The following DNAH14 variants were observed in gnomAD, a reference collection of about 807,000 sequenced individuals.
The protein encoded by DNAH14 is axonemal beta dynein heavy chain 14.
In DNAH14, 478 loss-of-function variants were observed where a neutral mutation model predicts 520.9. The observed-to-expected ratio is 0.92, with a 90% confidence interval of 0.85 to 0.99. The LOEUF is 0.99. Ranked by LOEUF, DNAH14 falls within the 50% of genes least tolerant of loss-of-function variation. The pLI, the probability that DNAH14 is intolerant of heterozygous loss-of-function variation, is 0.00. For missense variants in DNAH14, 4,831 were observed against 5,234.5 expected (o/e 0.92, Z 2.38); for synonymous variants, 1,581 against 1,757.2 (o/e 0.90, Z 2.51).
Position 225,371,084 on chromosome 1 carries a change from G to C in DNAH14, c.12318+3052G>C, listed in dbSNP as rs565334849. Among the ~76,000 whole-genome samples, 129 of 152,168 alleles carry C rather than the reference G, an allele frequency of 8.5e-4. 1 individual carries two copies. The highest frequency in any genetic ancestry group is 2.8e-3 in the African/African-American group (115 of 41,542). ...GATAGTATTAATATTATATATTCTA[G>C]ACCTTAGTAAAAGATCACAATCTCC... On this transcript the variant is annotated intron_variant, in intron 77 of 85. Coordinates refer to ENST00000682510, the MANE Select transcript of DNAH14 (RefSeq NM_001367479.1).
intron 25 of DNAH14, among the ~76,000 whole-genome samples, chr1:225,118,747 G>T (rs1051382133): frequency 6.6e-5 from 10 of 151,914 alleles, no homozygotes; most frequent in Middle Eastern, 3.2e-3. Flanking sequence ...GCTGATCGTG[G>T]TGGCAGGCAC....
rs1273424542 is a variant in DNAH14 at position 225,336,010 on chromosome 1, C to T, written c.10081-1256C>T. ...ATACACACATATGCATATATGTATA[C>T]GCATATATGCATATATGTATATACA... On this transcript the variant is annotated intron_variant, in intron 66 of 85. Transcript: ENST00000682510. Among the ~76,000 whole-genome samples, 68 of 80,304 alleles carry T rather than the reference C, an allele frequency of 8.5e-4. 2 individuals carry two copies. Among genetic ancestry groups the T allele is most frequent in the African/African-American group, 3.5e-3 (62 of 17,708 alleles). 52.7% of individuals were successfully genotyped at this position (80,304 alleles called of 152,430 possible).
At chr1:225,262,895 A>C (rs950468542) in intron 46 of DNAH14, among the ~76,000 whole-genome samples, 4 of 151,912 alleles carry the variant, frequency 2.6e-5, no homozygotes, top group Non-Finnish European at 5.9e-5. Flanking sequence ...GATATTTTTT[A>C]TAAGAATTGC....
rs988737737 is a variant in DNAH14, at chr1:225,395,054, T to C, written c.13491+2603T>C. Among the ~76,000 whole-genome samples, 11 of 152,158 alleles carry C rather than the reference T, an allele frequency of 7.2e-5. No individual in the cohort carries two copies. The South Asian group carries it at 8.3e-4, about 11-fold the overall frequency. ...CAGATAGTTTTTATCCTTTATCTCA[T>C]TAACATGGTGGAGTACATAGAACTA... On this transcript the variant is annotated intron_variant, in intron 84 of 85. Coordinates refer to ENST00000682510, the MANE Select transcript of DNAH14 (RefSeq NM_001367479.1).
chr1:225,318,402 G>A (rs946626390), intron 60 of DNAH14, among the ~76,000 whole-genome samples, 181 bp from the exon 61 acceptor site: 1 of 152,078 alleles, frequency 6.6e-6, no homozygotes, highest in African/African-American at 2.4e-5. Flanking sequence ...CACATTTTAG[G>A]ACTATGATAC....
Position 224,960,271 on chromosome 1 carries a change from G to T in DNAH14, c.336G>T (p.Arg112Ser), listed in dbSNP as rs376453640. 10 of 1,610,218 alleles carry T rather than the reference G, an allele frequency of 6.2e-6. No individual in the cohort carries two copies. Among genetic ancestry groups the T allele is most frequent in the Middle Eastern group, 1.7e-4 (1 of 6,060 alleles). Residue 112 changes from arginine (R) to serine (S), a missense_variant, in exon 4 of 86, where the codon AGG (arginine) becomes AGT (serine). Physicochemically the swap from Arg to Ser is moderately radical, Grantham distance 110. Coordinates refer to ENST00000682510, the MANE Select transcript of DNAH14 (RefSeq NM_001367479.1). Reference sequence around the variant, plus strand: ...AAACTCATGCTTGTCCAAATGTTAGGAAAGCCAGGCCTGTGTCCTATGATA... The same window carrying T: ...AAACTCATGCTTGTCCAAATGTTAGTAAAGCCAGGCCTGTGTCCTATGATA... ...KDQTHACPNV[R>S]KARPVSYDRT... is the part of the protein sequence containing the mutation.
At chr1:225,289,479 C>T (rs1249299982) in intron 54 of DNAH14, among the ~76,000 whole-genome samples, 3 of 152,034 alleles carry the variant, frequency 2.0e-5, no homozygotes, top group African/African-American at 7.2e-5. Flanking sequence ...ACTTACTTTG[C>T]CATTATTCCC....
chr1:225,146,134 G>A (rs2079917055), intron 30 of DNAH14, among the ~76,000 whole-genome samples: 1 of 152,070 alleles, frequency 6.6e-6, no homozygotes, highest in South Asian at 2.1e-4. Context: ...GCCTATGAGG[G>A]CTCCACATGA....
chr1:225,175,956 A>G (rs1164534914), intron 36 of DNAH14, among the ~76,000 whole-genome samples: 1 of 151,946 alleles, frequency 6.6e-6, no homozygotes, highest in African/African-American at 2.4e-5. Context: ...GGGCTTCACT[A>G]TGTTGCCCAG....
At chr1:225,309,792 C>T (rs2094322326) in intron 60 of DNAH14, among the ~76,000 whole-genome samples, 1 of 152,096 alleles carries the variant, frequency 6.6e-6, no homozygotes, top group African/African-American at 2.4e-5. Context: ...ACTTAGGAGG[C>T]TGAGGCAGGA....
intron 73 of DNAH14, among the ~76,000 whole-genome samples, chr1:225,358,083 A>G (rs2095451261): frequency 3.9e-5 from 6 of 152,220 alleles, no homozygotes; most frequent in Non-Finnish European, 8.8e-5. Flanking sequence ...TGGAAGAATT[A>G]ATACTTTTCC....
intron 19 of DNAH14, 123 bp downstream of exon 19, chr1:225,080,871 C>T (rs2148578623): frequency 9.8e-7 from 1 of 1,020,568 alleles, no homozygotes; most frequent in East Asian, 2.7e-5. Context: ...ATGGCTAGAG[C>T]TACAATACAG....
rs180855435 is a variant in DNAH14 at position 225,358,469 on chromosome 1, C to T, written c.11620-27C>T. The T allele has an allele frequency of 2.3e-3, 3,366 of 1,479,536 alleles. 7 individuals are homozygous for T. Among genetic ancestry groups the T allele is most frequent in the Middle Eastern group, 4.1e-3 (18 of 4,402 alleles). 91.7% of individuals were successfully genotyped at this position (1,479,536 alleles called of 1,614,324 possible). A position where few individuals can be genotyped will look rare whatever the true frequency, so the allele number is the denominator to read the frequency against. On this transcript the variant is annotated intron_variant, in intron 73 of 85. Transcript: ENST00000682510. ...TCTCTCTGGGTGGCTTTTAATTTTA[C>T]CTTATCTTCCATGTTTTCTTTTTTA...
At position 225,381,586 on chromosome 1, in the gene DNAH14, A is replaced by G; in HGVS notation, c.13077+7A>G. 6.7e-7 allele frequency: 1 copy of G among 1,495,936 alleles called. No individual in the cohort carries two copies. The highest frequency in any genetic ancestry group is 1.3e-5 in the South Asian group (1 of 76,200). 92.7% of individuals were successfully genotyped at this position (1,495,936 alleles called of 1,614,324 possible). A position where few individuals can be genotyped will look rare whatever the true frequency, so the allele number is the denominator to read the frequency against. On this transcript the variant is annotated splice_region_variant and intron_variant, in intron 81 of 85. Coordinates refer to ENST00000682510, the MANE Select transcript of DNAH14 (RefSeq NM_001367479.1). ...AGTGCCTACATTGTGGCAGGTAAGC[A>G]ATTATTATTATTTCCTATTTTCTTG...
At chr1:225,189,247 G>C (rs956237995) in intron 37 of DNAH14, among the ~76,000 whole-genome samples, 4 of 151,672 alleles carry the variant, frequency 2.6e-5, no homozygotes, top group Non-Finnish European at 5.9e-5. Context: ...CTTTAAATGT[G>C]CTGTTGGATT....
chr1:225,133,765 G>A (rs1039973480), intron 27 of DNAH14, among the ~76,000 whole-genome samples: 6 of 152,156 alleles, frequency 3.9e-5, no homozygotes, highest in Non-Finnish European at 7.3e-5. Flanking sequence ...TATGGAGAAT[G>A]TCAGTGGTAG....
chr1:225,248,434 A>C (rs2092401831), intron 43 of DNAH14, among the ~76,000 whole-genome samples: 1 of 152,200 alleles, frequency 6.6e-6, no homozygotes, highest in African/African-American at 2.4e-5. Context: ...GAAGTGTGCT[A>C]AGGTCTTTGT....
chr1:225,067,302 C>G (rs760723195), intron 17 of DNAH14, among the ~76,000 whole-genome samples: 24 of 152,108 alleles, frequency 1.6e-4, no homozygotes, highest in Admixed American at 7.2e-4. Context: ...TGATCTCATT[C>G]TTTTTATGGC....
chr1:225,315,572 T>C (rs1327636508), intron 60 of DNAH14, among the ~76,000 whole-genome samples: 2 of 152,182 alleles, frequency 1.3e-5, no homozygotes, highest in East Asian at 1.9e-4. Context: ...CTTATCTTTG[T>C]GGATTTATCT....
Sources: allele counts gnomAD v4.1 joint callset (sites outside exome capture counted in the v4.1 genomes callset), GRCh38; gene constraint gnomAD v4.1.1; transcripts MANE v1.5; gene names NCBI Gene and HGNC (gene_info 2026-07-23, HGNC 2026-07-21).